The following MACROD1 variants were observed in gnomAD, a reference collection of about 807,000 sequenced individuals.
The protein encoded by MACROD1 is ADP-ribose glycohydrolase MACROD1.
In MACROD1, 31 loss-of-function variants were observed where a neutral mutation model predicts 41.4. The ratio of observed to expected loss-of-function variants is 0.75; its 90% CI spans 0.56 to 1.01. The LOEUF (loss-of-function observed/expected upper bound fraction) is 1.01. Among genes scored for constraint, MACROD1 ranks in the 50% least tolerant of loss-of-function variants. The pLI is 0.00. For missense variants in MACROD1, 473 were observed against 460.0 expected (o/e 1.03, Z -0.26); for synonymous variants, 252 against 203.4 (o/e 1.24, Z -2.03).
chr11:64,004,788 G>A (rs1590791141), intron 4 of MACROD1, among the ~76,000 whole-genome samples: 1 of 152,150 alleles, frequency 6.6e-6, no homozygotes. Context: ...GGTGACTCAT[G>A]CCTGTAATCT....
At chr11:64,110,989 T>G (rs1463806376) in intron 3 of MACROD1, among the ~76,000 whole-genome samples, 4 of 152,162 alleles carry the variant, frequency 2.6e-5, no homozygotes, top group Non-Finnish European at 5.9e-5. Flanking sequence ...TTGGCCAAGA[T>G]GGATGAGGCC....
chr11:64,142,662 C>T (rs1945430070), intron 3 of MACROD1, among the ~76,000 whole-genome samples: 1 of 152,178 alleles, frequency 6.6e-6, no homozygotes, highest in South Asian at 2.1e-4. Context: ...GGGGATGAGC[C>T]GCCCTCCTCT....
chr11:63,999,989 G>A (rs981136208), intron 5 of MACROD1: 24 of 650,776 alleles, frequency 3.7e-5, no homozygotes, highest in African/African-American at 2.6e-4. Flanking sequence ...GCTGAGACCC[G>A]AGCGCGAGTG....
In MACROD1 at chr11:64,096,802, T is replaced by G. The variant is rs562518040; in HGVS notation, c.517+54437A>C. Among the ~76,000 whole-genome samples the G allele has an allele frequency of 2.6e-3, 391 of 152,264 alleles. 3 individuals carry two copies. The highest frequency in any genetic ancestry group is 0.024 in the South Asian group (118 of 4,826). On this transcript the variant is annotated intron_variant, in intron 3 of 10. Transcript: ENST00000255681. The surrounding 1 kb of genome is among the most constrained non-coding windows in gnomAD (Gnocchi z 4.6). Reference sequence around the variant, plus strand: ...CTCCCTGAGGGGAAGAGGGCAGGCCTGTGGGGGGCTGCCGTGTCCCCATAC... The same window carrying G: ...CTCCCTGAGGGGAAGAGGGCAGGCCGGTGGGGGGCTGCCGTGTCCCCATAC...
intron 2 of MACROD1, among the ~76,000 whole-genome samples, chr11:64,151,714 A>C (rs1447851178): frequency 6.6e-6 from 1 of 152,166 alleles, no homozygotes; most frequent in Admixed American, 6.5e-5. Context: ...TAAGCAACCA[A>C]ATCGCAGCTT....
Position 64,135,865 on chromosome 11 carries a change from G to A in MACROD1, c.517+15374C>T, listed in dbSNP as rs572368664. 3.9e-5 allele frequency among the ~76,000 whole-genome samples: 6 copies of A among 152,266 alleles called. No homozygotes were observed. In the South Asian group the frequency reaches 1.2e-3, roughly 32 times the overall value. ...GTTCCCCAAGAACCAGGGAAGCCTCGTTGGCACCCCGCGCCTGCCCTCTCT... is the reference window on the plus strand; with the variant it reads ...GTTCCCCAAGAACCAGGGAAGCCTCATTGGCACCCCGCGCCTGCCCTCTCT... On this transcript the variant is annotated intron_variant, in intron 3 of 10. Transcript: ENST00000255681.
chr11:64,125,500 C>T (rs182974247), intron 3 of MACROD1, among the ~76,000 whole-genome samples: 66 of 152,368 alleles, frequency 4.3e-4, no homozygotes, highest in Non-Finnish European at 7.6e-4. Context: ...GCCATCTGCC[C>T]ACTCATTGAG....
Position 64,151,369 on chromosome 11 carries a change from G to C in MACROD1, c.401-14C>G. On this transcript the variant is annotated splice_polypyrimidine_tract_variant and intron_variant, in intron 2 of 10. Transcript: ENST00000255681. Reference sequence around the variant, plus strand: ...TCACAGCCACCCCTGGAACAAGTAGGGGCCGGGGAGGTCACAGCGAGGCTG... The same window carrying C: ...TCACAGCCACCCCTGGAACAAGTAGCGGCCGGGGAGGTCACAGCGAGGCTG... 6.3e-7 allele frequency: 1 copy of C among 1,598,998 alleles called. No individual in the cohort carries two copies. The highest frequency in any genetic ancestry group is 1.3e-5 in the African/African-American group (1 of 74,806).
chr11:64,100,493 G>A, intron 3 of MACROD1, among the ~76,000 whole-genome samples: 1 of 152,198 alleles, frequency 6.6e-6, no homozygotes, highest in East Asian at 1.9e-4. Flanking sequence ...GGCGAGGAGT[G>A]TAACCACTAA....
intron 3 of MACROD1, among the ~76,000 whole-genome samples, chr11:64,128,707 G>C (rs1237421496): frequency 6.6e-6 from 1 of 151,638 alleles, no homozygotes; most frequent in African/African-American, 2.4e-5. Flanking sequence ...GTGTGGCTTA[G>C]ACTTCAGGTC....
intron 3 of MACROD1, among the ~76,000 whole-genome samples, chr11:64,035,552 G>A (rs781049705): frequency 5.0e-5 from 7 of 140,032 alleles, no homozygotes; most frequent in Middle Eastern, 7.5e-3. Context: ...CAACTCCCCA[G>A]AGGGGTCGGC....
intron 3 of MACROD1, among the ~76,000 whole-genome samples, chr11:64,030,310 G>A (rs566699940): frequency 2.6e-5 from 4 of 152,250 alleles, no homozygotes; most frequent in African/African-American, 7.2e-5. Flanking sequence ...GGACAGCTCC[G>A]TCATTGTTGC....
chr11:64,018,725 A>G (rs1291108740), intron 3 of MACROD1, among the ~76,000 whole-genome samples: 2 of 152,146 alleles, frequency 1.3e-5, no homozygotes, highest in African/African-American at 4.8e-5. Flanking sequence ...TCCTTACACA[A>G]CAAGTCATCA....
At chr11:64,116,198 CCT>C (rs780404665) in intron 3 of MACROD1, 515 of 1,535,386 alleles carry the variant, frequency 3.4e-4, no homozygotes, top group Non-Finnish European at 4.1e-4. Flanking sequence ...TCTCACTGCC[CCT>C]GTCCTGTGCT....
At chr11:64,031,476 C>CTTT (rs386373983) in intron 3 of MACROD1, among the ~76,000 whole-genome samples, 41,335 of 114,600 alleles carry the variant, frequency 0.36, 8,883 homozygotes, top group Non-Finnish European at 0.44. Flanking sequence ...GCCTGCCTTC[C>CTTT]TTTTTTTTTT....
intron 1 of MACROD1, among the ~76,000 whole-genome samples, chr11:64,155,784 A>T (rs537342942): frequency 1.4e-4 from 22 of 152,060 alleles, no homozygotes; most frequent in Admixed American, 1.4e-3. Flanking sequence ...GACAATATGG[A>T]GCAACCCCAT....
At chr11:64,155,874 C>T (rs1271838229) in intron 1 of MACROD1, among the ~76,000 whole-genome samples, 4 of 151,798 alleles carry the variant, frequency 2.6e-5, no homozygotes, top group South Asian at 2.1e-4. Context: ...TTTGGGAGGC[C>T]GAGACAGGTG....
intron 1 of MACROD1, among the ~76,000 whole-genome samples, chr11:64,159,163 T>G (rs1431055015): frequency 6.6e-6 from 1 of 151,098 alleles, no homozygotes; most frequent in African/African-American, 2.4e-5. Context: ...CTACTAAAAA[T>G]ACAAAAATTA....
At chr11:64,034,473 G>C (rs971531020) in intron 3 of MACROD1, among the ~76,000 whole-genome samples, 10 of 152,268 alleles carry the variant, frequency 6.6e-5, no homozygotes, top group Admixed American at 1.3e-4. Flanking sequence ...GAGTTAAGGG[G>C]AGGGAAATTA....
Sources: allele counts gnomAD v4.1 joint callset (sites outside exome capture counted in the v4.1 genomes callset), GRCh38; gene constraint gnomAD v4.1.1; non-coding constraint Gnocchi (gnomAD v3.1); transcripts MANE v1.5; gene names NCBI Gene and HGNC (gene_info 2026-07-23, HGNC 2026-07-21).